The following ATRNL1 variants were observed in gnomAD, a reference collection of about 807,000 sequenced individuals.
The protein encoded by ATRNL1 is attractin like 1.
ATRNL1 carries 95 observed loss-of-function variants against 182.7 expected under a neutral mutation model. The ratio of observed to expected loss-of-function variants is 0.52; its 90% CI spans 0.44 to 0.62. The LOEUF (loss-of-function observed/expected upper bound fraction) is 0.62. Among genes scored for constraint, ATRNL1 ranks in the 20% least tolerant of loss-of-function variants. The pLI is 0.00. For missense variants in ATRNL1, 1,471 were observed against 1,679.5 expected (o/e 0.88, Z 2.17); for synonymous variants, 576 against 568.3 (o/e 1.01, Z -0.19).
At chr10:115,859,913 G>GA (rs1438579954) in intron 28 of ATRNL1, among the ~76,000 whole-genome samples, 7 of 152,096 alleles carry the variant, frequency 4.6e-5, no homozygotes, top group Non-Finnish European at 1.0e-4. Flanking sequence ...AGCTTGTAGG[G>GA]AAAAAGTTAA....
intron 27 of ATRNL1, among the ~76,000 whole-genome samples, chr10:115,764,290 A>G (rs1379972910): frequency 2.6e-5 from 4 of 152,170 alleles, no homozygotes; most frequent in African/African-American, 7.2e-5. Flanking sequence ...GTTACACTTG[A>G]TGAAGCTACA....
intron 8 of ATRNL1, among the ~76,000 whole-genome samples, chr10:115,213,339 A>G (rs1564825036): frequency 1.3e-5 from 2 of 152,048 alleles, no homozygotes; most frequent in African/African-American, 4.8e-5. Context: ...CTTTCCCTGC[A>G]TATTTACTGT....
At chr10:115,185,770 G>C (rs957227838) in intron 8 of ATRNL1, among the ~76,000 whole-genome samples, 1 of 152,006 alleles carries the variant, frequency 6.6e-6, no homozygotes, top group African/African-American at 2.4e-5. Context: ...GAGAAAAATC[G>C]TAACTACATA....
chr10:115,190,210 A>G (rs968924013), intron 8 of ATRNL1, among the ~76,000 whole-genome samples: 17 of 152,162 alleles, frequency 1.1e-4, no homozygotes, highest in African/African-American at 4.1e-4. Flanking sequence ...TCATTTTAGC[A>G]AACTGCTTTG....
intron 19 of ATRNL1, among the ~76,000 whole-genome samples, chr10:115,387,901 A>C (rs576575462): frequency 6.6e-6 from 1 of 152,104 alleles, no homozygotes. Flanking sequence ...TCTACTACTT[A>C]TGTTATGATA....
At chr10:115,185,795 C>T (rs1554888620) in intron 8 of ATRNL1, among the ~76,000 whole-genome samples, 3 of 152,008 alleles carry the variant, frequency 2.0e-5, no homozygotes, top group Non-Finnish European at 4.4e-5. Context: ...AGAAACCTGT[C>T]AATAACTTGT....
intron 27 of ATRNL1, among the ~76,000 whole-genome samples, chr10:115,832,106 G>C (rs79749519): frequency 6.6e-6 from 1 of 152,164 alleles, no homozygotes; most frequent in Non-Finnish European, 1.5e-5. Flanking sequence ...AGGGTTATTG[G>C]TTGCCAGAAT....
intron 27 of ATRNL1, among the ~76,000 whole-genome samples, chr10:115,847,264 T>C (rs1320626489): frequency 6.6e-6 from 1 of 151,976 alleles, no homozygotes; most frequent in Non-Finnish European, 1.5e-5. Flanking sequence ...CTTGCACTTA[T>C]GTAGGATGAA....
intron 26 of ATRNL1, among the ~76,000 whole-genome samples, chr10:115,640,529 G>A (rs904269852): frequency 1.6e-4 from 24 of 152,154 alleles, no homozygotes; most frequent in African/African-American, 5.5e-4. Context: ...AATGATGAGT[G>A]ATGATGAAGT....
At chr10:115,753,325 A>C (rs1555071112) in intron 27 of ATRNL1, among the ~76,000 whole-genome samples, 1 of 45,290 alleles carries the variant, frequency 2.2e-5, no homozygotes, top group African/African-American at 5.6e-5. Flanking sequence ...TCCCTCCCCT[A>C]GTGCCTCATT....
At chr10:115,879,262 G>A (rs1227924483) in intron 28 of ATRNL1, among the ~76,000 whole-genome samples, 4 of 137,448 alleles carry the variant, frequency 2.9e-5, no homozygotes, top group East Asian at 2.2e-4. Context: ...AACCATGATC[G>A]TGCCACTGCA....
intron 25 of ATRNL1, among the ~76,000 whole-genome samples, chr10:115,521,172 TTG>T (rs1554985082): frequency 1.5e-4 from 22 of 143,332 alleles, no homozygotes; most frequent in African/African-American, 5.7e-4. Context: ...GTTGTTGTTG[TTG>T]AGACAGGGTC....
chr10:115,346,732 C>CTT (rs35909294), intron 19 of ATRNL1, among the ~76,000 whole-genome samples: 4 of 151,720 alleles, frequency 2.6e-5, no homozygotes, highest in African/African-American at 9.7e-5. Flanking sequence ...TATAATTGGG[C>CTT]TTTTTTTGCT....
At chr10:115,797,600 T>TAA (rs35940243) in intron 27 of ATRNL1, among the ~76,000 whole-genome samples, 11 of 150,828 alleles carry the variant, frequency 7.3e-5, no homozygotes, top group Non-Finnish European at 1.0e-4. Context: ...AAGACTCAGT[T>TAA]AAAAAAAAAA....
chr10:115,302,308 C>A (rs2133979902), intron 17 of ATRNL1, among the ~76,000 whole-genome samples: 1 of 152,242 alleles, frequency 6.6e-6, no homozygotes, highest in Middle Eastern at 3.4e-3. Context: ...ATGTTGCAGA[C>A]AGTATAACAC....
At chr10:115,465,925 G>C (rs909716346) in intron 22 of ATRNL1, among the ~76,000 whole-genome samples, 1 of 151,544 alleles carries the variant, frequency 6.6e-6, no homozygotes, top group Non-Finnish European at 1.5e-5. Context: ...ATGGAACACT[G>C]TTAAGAGTTC....
intron 26 of ATRNL1, among the ~76,000 whole-genome samples, chr10:115,578,507 C>A (rs531681234): frequency 6.6e-6 from 1 of 151,462 alleles, no homozygotes; most frequent in Non-Finnish European, 1.5e-5. Flanking sequence ...GAATTTATTT[C>A]CTCTAGATTA....
chr10:115,452,643 A>G (rs1454463032), intron 21 of ATRNL1, among the ~76,000 whole-genome samples: 1 of 152,160 alleles, frequency 6.6e-6, no homozygotes, highest in Non-Finnish European at 1.5e-5. Flanking sequence ...AGCACAATCA[A>G]GACTATAAAT....
At chr10:115,658,451 AC>A (rs1292046925) in intron 26 of ATRNL1, among the ~76,000 whole-genome samples, 1 of 152,080 alleles carries the variant, frequency 6.6e-6, no homozygotes, top group Admixed American at 6.6e-5. Context: ...TGAAAAATAG[AC>A]TATTCTATTA....
Sources: allele counts gnomAD v4.1 joint callset (sites outside exome capture counted in the v4.1 genomes callset), GRCh38; gene constraint gnomAD v4.1.1; transcripts MANE v1.5; gene names NCBI Gene and HGNC (gene_info 2026-07-23, HGNC 2026-07-21).